C16orf96: variants seen among roughly 807,000 people sequenced by gnomAD.
C16orf96 encodes the protein chromosome 16 open reading frame 96.
Under a neutral mutation model 103.6 loss-of-function variants are expected in C16orf96, and 108 were observed. The ratio of observed to expected loss-of-function variants is 1.04; its 90% CI spans 0.89 to 1.22. The LOEUF (loss-of-function observed/expected upper bound fraction) is 1.22. Ranked by LOEUF, C16orf96 falls within the 50% of genes most tolerant of loss-of-function variation. C16orf96 has a pLI of 0.00. For synonymous variants in C16orf96, 566 were observed against 593.5 expected (o/e 0.95, Z 0.67); for missense variants, 1,586 against 1,464.2 (o/e 1.08, Z -1.36).
chr16:4,575,139 A>T, intron 4 of C16orf96, 35 bp from the exon 5 acceptor site: 11 of 1,545,760 alleles, frequency 7.1e-6, no homozygotes, highest in Non-Finnish European at 9.6e-6. Flanking sequence ...GCGGGGCTGG[A>T]AGCCAGCAGA....
chr16:4,588,328 CA>C lies in C16orf96; in HGVS notation c.2591del (p.Lys864SerfsTer2). On this transcript the variant is annotated frameshift_variant and splice_region_variant, in exon 9 of 16. Coordinates refer to ENST00000444310, the MANE Select transcript of C16orf96 (RefSeq NM_001145011.2). LOFTEE classifies it high-confidence loss of function. ...MEELSKDVNT[K>X]LVHSDLDPLK... ...AGGAGCTCAGCAAGGACGTGAACAC[CA>C]AGGTGAATGCCCCCATGTTGATTTT... 6.5e-7 allele frequency: 1 copy of C among 1,548,186 alleles called. No homozygotes were observed. The highest frequency in any genetic ancestry group is 8.7e-7 in the Non-Finnish European group (1 of 1,144,302).
At chr16:4,579,144 G>A (rs2059550909) in intron 6 of C16orf96, 119 bp downstream of exon 6, 2 of 913,876 alleles carry the variant, frequency 2.2e-6, no homozygotes, top group Non-Finnish European at 3.3e-6. Context: ...AACAGGCTGG[G>A]GGAAAGCGAG....
chr16:4,596,555 G>A (rs973007175), intron 14 of C16orf96, among the ~76,000 whole-genome samples: 1 of 151,618 alleles, frequency 6.6e-6, no homozygotes, highest in African/African-American at 2.4e-5. Flanking sequence ...GGTGGCGTGC[G>A]CCTGTAGTCC....
chr16:4,560,486 C>T (rs1476781171), intron 1 of C16orf96: 1 of 152,056 alleles, frequency 6.6e-6, no homozygotes, highest in African/African-American at 2.4e-5. Flanking sequence ...AGGCATGAGC[C>T]ACTAAGCCCG....
chr16:4,587,912 G>C (rs1486595245), intron 8 of C16orf96, among the ~76,000 whole-genome samples: 1 of 152,104 alleles, frequency 6.6e-6, no homozygotes, highest in African/African-American at 2.4e-5. Context: ...ATCCAGCCTG[G>C]GCAACCTTGA....
intron 9 of C16orf96, among the ~76,000 whole-genome samples, chr16:4,589,905 C>T (rs532409958): frequency 2.0e-5 from 3 of 151,908 alleles, no homozygotes; most frequent in Admixed American, 6.6e-5. Flanking sequence ...GGGCAGATCA[C>T]GAGGTCAGAA....
At chr16:4,598,728 T>C (rs1897225312) in intron 14 of C16orf96, among the ~76,000 whole-genome samples, 1 of 152,232 alleles carries the variant, frequency 6.6e-6, no homozygotes, top group Admixed American at 6.5e-5. Context: ...CACCTGTGTC[T>C]TACTGTGCTG....
chr16:4,544,466 G>C, the C16orf96 span, among the ~76,000 whole-genome samples: 1 of 152,110 alleles, frequency 6.6e-6, no homozygotes, highest in African/African-American at 2.4e-5. Flanking sequence ...ATATTAGCTG[G>C]GTGTGGTGCA....
intron 1 of C16orf96, among the ~76,000 whole-genome samples, chr16:4,571,135 G>T (rs1202882406): frequency 6.6e-6 from 1 of 152,136 alleles, no homozygotes; most frequent in Non-Finnish European, 1.5e-5. Context: ...ACAGTGAGTT[G>T]AGATCGCGCC....
At position 4,600,353 on chromosome 16, in the gene C16orf96, C is replaced by T; in HGVS notation, c.*36C>T. 13 of 1,456,052 alleles carry T rather than the reference C, an allele frequency of 8.9e-6. No homozygotes were observed. Among genetic ancestry groups the T allele is most frequent in the Non-Finnish European group, 1.2e-5 (13 of 1,068,402 alleles). 90.2% of individuals were successfully genotyped at this position (1,456,052 alleles called of 1,614,324 possible). A position where few individuals can be genotyped will look rare whatever the true frequency, so the allele number is the denominator to read the frequency against. On this transcript the variant is annotated 3_prime_UTR_variant, in exon 16 of 16. Transcript: ENST00000444310. ...GCTGCGCCCCCCATCGCCAAGTCCC[C>T]TCCACGTCCGAGGCTGAGGCCCATG...
chr16:4,565,052 T>C (rs925810841), intron 1 of C16orf96, among the ~76,000 whole-genome samples: 46 of 152,106 alleles, frequency 3.0e-4, no homozygotes, highest in African/African-American at 1.0e-3. Context: ...CATGTGACCG[T>C]GTGGACAAGT....
chr16:4,547,689 C>CTTCCTTCCTTCCTTTCT, the C16orf96 span, among the ~76,000 whole-genome samples: 1 of 22,574 alleles, frequency 4.4e-5, no homozygotes, highest in African/African-American at 1.1e-4. Flanking sequence ...TCCTTCCTTC[C>CTTCCTTCCTTCCTTTCT]TTCTTTCTTT....
intron 7 of C16orf96, among the ~76,000 whole-genome samples, chr16:4,583,042 C>T (rs1567451733): frequency 2.6e-5 from 4 of 151,914 alleles, no homozygotes; most frequent in Admixed American, 6.6e-5. Flanking sequence ...TCAAGACCAA[C>T]CTGACCAACA....
chr16:4,555,000 C>T (rs1181171015), upstream of C16orf96, among the ~76,000 whole-genome samples: 4 of 151,980 alleles, frequency 2.6e-5, no homozygotes, highest in East Asian at 6.0e-4. Flanking sequence ...TGGTGGCTCA[C>T]ACCTGTAATC....
chr16:4,567,992 G>A (rs2059399673), intron 1 of C16orf96, among the ~76,000 whole-genome samples: 2 of 151,870 alleles, frequency 1.3e-5, no homozygotes, highest in African/African-American at 4.8e-5. Context: ...CACCACGTCC[G>A]GCCTGTTTTT....
chr16:4,541,583 T>C, the C16orf96 span, among the ~76,000 whole-genome samples: 1 of 152,124 alleles, frequency 6.6e-6, no homozygotes. Context: ...CTAAAAATAA[T>C]AGGGCAGCGC....
At position 4,592,379 on chromosome 16, in the gene C16orf96, C is replaced by T. The variant is rs769275407; in HGVS notation, c.2774+12C>T. ...ATGATGACTGGCCCGTGAGTACCAC[C>T]GCCCAGGGTGCCCCGGCCCTAAGGG... On this transcript the variant is annotated intron_variant, in intron 11 of 15. Coordinates refer to ENST00000444310, the MANE Select transcript of C16orf96 (RefSeq NM_001145011.2). 2.3e-5 allele frequency: 35 copies of T among 1,551,404 alleles called. No individual in the cohort carries two copies. The highest frequency in any genetic ancestry group is 8.3e-5 in the South Asian group (7 of 84,068).
chr16:4,556,626 T>G lies in C16orf96; in HGVS notation c.137T>G (p.Leu46Arg), dbSNP rs564439769. ...HIHMAELKKV[L>R]SGDEDFLQTS... Reference sequence around the variant, plus strand: ...CACATGGCCGAGCTCAAGAAAGTCCTCTCAGGCGATGAGGACTTCCTGCAG... The same window carrying G: ...CACATGGCCGAGCTCAAGAAAGTCCGCTCAGGCGATGAGGACTTCCTGCAG... Residue 46 changes from leucine (L) to arginine (R), a missense_variant, in exon 1 of 16, where the codon CTC becomes CGC. Leu to Arg is a moderately radical substitution (Grantham distance 102). Coordinates refer to ENST00000444310, the MANE Select transcript of C16orf96 (RefSeq NM_001145011.2). The G allele has an allele frequency of 1.8e-5, 28 of 1,551,694 alleles. 1 individual carries two copies. The South Asian group carries it at 3.2e-4, about 18-fold the overall frequency.
At chr16:4,552,572 A>G (rs147453069), upstream of C16orf96, among the ~76,000 whole-genome samples, 42 of 151,742 alleles carry the variant, frequency 2.8e-4, no homozygotes, top group African/African-American at 9.7e-4. Flanking sequence ...CTGCTGTGTT[A>G]TAGTCTACTG....
Sources: allele counts gnomAD v4.1 joint callset (sites outside exome capture counted in the v4.1 genomes callset), GRCh38; gene constraint gnomAD v4.1.1; transcripts MANE v1.5; gene names NCBI Gene and HGNC (gene_info 2026-07-23, HGNC 2026-07-21).